LIN28B: variants seen among roughly 807,000 people sequenced by gnomAD.
LIN28B encodes lin-28 RNA binding posttranscriptional regulator B.
In LIN28B, 5 loss-of-function variants were observed where a neutral mutation model predicts 21.9. The ratio of observed to expected loss-of-function variants is 0.23; its 90% CI spans 0.12 to 0.48. The LOEUF (loss-of-function observed/expected upper bound fraction) is 0.48. Among genes scored for constraint, LIN28B ranks in the 20% least tolerant of loss-of-function variants. The pLI is 0.98. For missense variants in LIN28B, 245 were observed against 310.5 expected, an observed-to-expected ratio of 0.79 and a Z score of 1.58; for synonymous variants, 109 against 111.3, an observed-to-expected ratio of 0.98 and a Z score of 0.13.
At position 105,035,052 on chromosome 6, in the gene LIN28B, A is replaced by C. The variant is rs192736852; in HGVS notation, c.383+8570A>C. Among the ~76,000 whole-genome samples the C allele has an allele frequency of 5.6e-3, 855 of 151,994 alleles. 7 individuals carry two copies. The highest frequency in any genetic ancestry group is 0.019 in the African/African-American group (797 of 41,474). ...TTCCACTCATTATCTCAGTGGTATA[A>C]TTTGACATTTTTCCAGGTACTTTAT... On this transcript the variant is annotated intron_variant, in intron 3 of 3. Transcript: ENST00000345080.
At chr6:104,945,978 A>G (rs78484851) in intron 2 of LIN28B, among the ~76,000 whole-genome samples, 3,287 of 152,138 alleles carry the variant, frequency 0.022, 123 homozygotes, top group African/African-American at 0.076. Flanking sequence ...TAAAATTTCT[A>G]TTTGTAATAT....
At position 105,047,307 on chromosome 6, in the gene LIN28B, T is replaced by C. The variant is rs555769265; in HGVS notation, c.383+20825T>C. Among the ~76,000 whole-genome samples, 846 of 152,306 alleles carry C rather than the reference T, an allele frequency of 5.6e-3. 9 individuals carry two copies. Among genetic ancestry groups the C allele is most frequent in the African/African-American group, 0.019 (808 of 41,566 alleles). On this transcript the variant is annotated intron_variant, in intron 3 of 3. Coordinates refer to ENST00000345080, the MANE Select transcript of LIN28B (RefSeq NM_001004317.4). ...CCCCATTTCTTGTTTTTGTCAGGTT[T>C]GTCAAAGATCAGATGGTTGTAGATG...
intron 2 of LIN28B, among the ~76,000 whole-genome samples, chr6:104,987,749 C>T (rs868279171): frequency 2.6e-5 from 4 of 152,162 alleles, no homozygotes; most frequent in Middle Eastern, 6.8e-3. Flanking sequence ...TCTCAATACT[C>T]GTCTTTTTTC....
intron 2 of LIN28B, among the ~76,000 whole-genome samples, chr6:105,005,552 C>G (rs1405294178): frequency 2.6e-5 from 4 of 152,116 alleles, no homozygotes; most frequent in Admixed American, 2.0e-4. Flanking sequence ...ATAGTGAGTT[C>G]TCTTGAGATA....
chr6:104,953,687 A>C (rs1778249099), upstream of LIN28B, among the ~76,000 whole-genome samples: 1 of 152,080 alleles, frequency 6.6e-6, no homozygotes, highest in South Asian at 2.1e-4. Context: ...GGGAAAGCGC[A>C]GATCTGCTGG....
upstream of LIN28B, among the ~76,000 whole-genome samples, chr6:104,953,175 C>T (rs1778241066): frequency 6.6e-6 from 1 of 152,098 alleles, no homozygotes; most frequent in South Asian, 2.1e-4. Context: ...AAAATCGCCC[C>T]CAGCCTTGCG....
chr6:105,045,068 T>C (rs1771721139), intron 3 of LIN28B, among the ~76,000 whole-genome samples: 1 of 152,108 alleles, frequency 6.6e-6, no homozygotes, highest in African/African-American at 2.4e-5. Flanking sequence ...AACGTTAAAC[T>C]GTTAGGAGCA....
chr6:105,050,108 A>G (rs893035230), intron 3 of LIN28B, among the ~76,000 whole-genome samples: 29 of 152,258 alleles, frequency 1.9e-4, no homozygotes, highest in African/African-American at 5.8e-4. Context: ...AATGGTCTTT[A>G]CAATTTGGCA....
rs770482379 is a variant in LIN28B, at chr6:105,078,663, G to A, written c.633G>A (p.Arg211=). The A allele has an allele frequency of 6.2e-7, 1 of 1,614,058 alleles. No homozygotes were observed. The change falls in exon 4 of 4, where the codon AGG becomes AGA. Residue 211 remains arginine, a synonymous_variant. Transcript: ENST00000345080. ...CACCACCGTTTCCTCAGGAGGCTAG[G>A]GCAGAGATCTCAGAACGGTCAGGCA... ...CTSPPFPQEA[R]AEISERSGRS... is the part of the protein sequence containing the mutation.
chr6:105,040,945 C>G (rs187722170), intron 3 of LIN28B, among the ~76,000 whole-genome samples: 27 of 152,176 alleles, frequency 1.8e-4, no homozygotes, highest in African/African-American at 6.0e-4. Context: ...TTCTCTCACT[C>G]TGGTTGCCCA....
chr6:104,991,312 C>T (rs1428039294), intron 2 of LIN28B, among the ~76,000 whole-genome samples: 1 of 150,846 alleles, frequency 6.6e-6, no homozygotes, highest in Non-Finnish European at 1.5e-5. Context: ...GGCTGCCGCG[C>T]GGAGGGGCTC....
At chr6:105,053,716 T>TGTGTGTGC (rs747672797) in intron 3 of LIN28B, among the ~76,000 whole-genome samples, 4 of 108,828 alleles carry the variant, frequency 3.7e-5, no homozygotes, top group Non-Finnish European at 8.2e-5. Flanking sequence ...TGTGGGTGCG[T>TGTGTGTGC]GTGTGTGTGT....
chr6:105,044,760 G>A (rs1771711250), intron 3 of LIN28B, among the ~76,000 whole-genome samples: 1 of 152,162 alleles, frequency 6.6e-6, no homozygotes, highest in Admixed American at 6.6e-5. Context: ...TTACATGGAT[G>A]AATTGTAAAG....
chr6:104,981,637 G>T (rs1033794991), intron 2 of LIN28B, among the ~76,000 whole-genome samples: 1 of 152,092 alleles, frequency 6.6e-6, no homozygotes, highest in African/African-American at 2.4e-5. Context: ...TTGTAAAGCC[G>T]CTTCCTATTC....
At chr6:104,940,486 G>A (rs1434894733) in intron 2 of LIN28B, 1 of 153,366 alleles carries the variant, frequency 6.5e-6, no homozygotes, top group Non-Finnish European at 1.5e-5. Context: ...GACGCGCTTC[G>A]GGGGTTCGGG....
rs1377276650 is a variant in LIN28B, at chr6:105,078,465, T to C, written c.435T>C (p.Pro145=). ...LDHHAKECSL[P]PQPKKCHYCQ... Reference sequence around the variant, plus strand: ...ATCATGCTAAGGAATGTAGTCTACCTCCTCAGCCAAAGAAGTGCCATTACT... The same window carrying C: ...ATCATGCTAAGGAATGTAGTCTACCCCCTCAGCCAAAGAAGTGCCATTACT... Residue 145 remains proline (P), a synonymous_variant, in exon 4 of 4, where the codon CCT becomes CCC. Transcript: ENST00000345080. 4 of 1,613,848 alleles carry C rather than the reference T, an allele frequency of 2.5e-6. No homozygotes were observed. The African/African-American group carries it at 5.3e-5, about 22-fold the overall frequency.
At chr6:105,066,843 G>T (rs1208046652) in intron 3 of LIN28B, among the ~76,000 whole-genome samples, 1 of 151,588 alleles carries the variant, frequency 6.6e-6, no homozygotes, top group Non-Finnish European at 1.5e-5. Context: ...TATGACTTTA[G>T]AATGACTTAC....
intron 2 of LIN28B, among the ~76,000 whole-genome samples, chr6:104,943,826 A>G (rs540732844): frequency 6.6e-6 from 1 of 152,298 alleles, no homozygotes; most frequent in African/African-American, 2.4e-5. Flanking sequence ...AAGAAGAACA[A>G]TGGAAATTCT....
At chr6:105,026,601 A>G in intron 3 of LIN28B, 119 bp downstream of exon 3, 2 of 619,596 alleles carry the variant, frequency 3.2e-6, no homozygotes, top group Non-Finnish European at 2.8e-6. Flanking sequence ...ATCATGTAGA[A>G]TATATTAAAT....
Sources: allele counts gnomAD v4.1 joint callset (sites outside exome capture counted in the v4.1 genomes callset), GRCh38; gene constraint gnomAD v4.1.1; transcripts MANE v1.5; gene names NCBI Gene and HGNC (gene_info 2026-07-23, HGNC 2026-07-21).